TFDP2: variants seen among roughly 807,000 people sequenced by gnomAD.
TFDP2 encodes transcription factor Dp-2, also known as transcription factor Dp-2 (E2F dimerization partner 2).
TFDP2 carries 17 observed loss-of-function variants against 59.3 expected under a neutral mutation model. That is an observed-to-expected ratio of 0.29 (90% CI 0.20 to 0.43). The LOEUF (loss-of-function observed/expected upper bound fraction) is 0.43. Ranked by LOEUF, TFDP2 falls within the 20% of genes least tolerant of loss-of-function variation. The pLI, the probability that TFDP2 is intolerant of heterozygous loss-of-function variation, is 1.00. For synonymous variants in TFDP2, 180 were observed against 194.7 expected (o/e 0.92, Z 0.63); for missense variants, 391 against 528.8 (o/e 0.74, Z 2.56).
At chr3:141,955,877 C>T (rs1364815156) in intron 11 of TFDP2, among the ~76,000 whole-genome samples, 2 of 152,106 alleles carry the variant, frequency 1.3e-5, no homozygotes, top group Non-Finnish European at 2.9e-5. Context: ...GTGCAATCTC[C>T]GTTCACTGCA....
chr3:142,104,273 A>C (rs1178165649), intron 1 of TFDP2, among the ~76,000 whole-genome samples: 1 of 152,216 alleles, frequency 6.6e-6, no homozygotes, highest in African/African-American at 2.4e-5. Context: ...ATGTAAGATA[A>C]ATAATAAAGC....
chr3:142,077,728 C>A (rs183806095), intron 3 of TFDP2, among the ~76,000 whole-genome samples: 1 of 152,146 alleles, frequency 6.6e-6, no homozygotes, highest in Non-Finnish European at 1.5e-5. Flanking sequence ...GACATGCTGG[C>A]TTCACGTATG....
At chr3:142,051,808 T>A (rs1947644365) in intron 3 of TFDP2, among the ~76,000 whole-genome samples, 1 of 152,150 alleles carries the variant, frequency 6.6e-6, no homozygotes, top group East Asian at 1.9e-4. Context: ...TTTCCTCTCA[T>A]TCCATATATA....
At chr3:142,141,596 G>A (rs1036230512) in intron 1 of TFDP2, among the ~76,000 whole-genome samples, 5 of 152,106 alleles carry the variant, frequency 3.3e-5, no homozygotes, top group Non-Finnish European at 5.9e-5. Context: ...GGCTGAGGCA[G>A]CAGATCAGTT....
rs141233566 is a variant in TFDP2, at chr3:142,144,280, A to C, written c.-93+4903T>G. Among the ~76,000 whole-genome samples the C allele has an allele frequency of 2.1e-3, 325 of 152,168 alleles. 2 individuals are homozygous for C. Among genetic ancestry groups the C allele is most frequent in the South Asian group, 0.017 (83 of 4,822 alleles). On this transcript the variant is annotated intron_variant, in intron 1 of 12. Transcript: ENST00000489671. ...TCCCAGCTACTTGGGAGGTTGAGGCACAAGAATCACTTGAACCCAGGAGGT... is the reference window on the plus strand; with the variant it reads ...TCCCAGCTACTTGGGAGGTTGAGGCCCAAGAATCACTTGAACCCAGGAGGT...
Position 141,959,702 on chromosome 3 carries a change from C to A in TFDP2, c.1023G>T (p.Val341=), listed in dbSNP as rs775166781. 7.4e-6 allele frequency: 12 copies of A among 1,614,128 alleles called. No homozygotes were observed. Among genetic ancestry groups the A allele is most frequent in the Non-Finnish European group, 7.6e-6 (9 of 1,180,010 alleles). The change falls in exon 11 of 13, where the codon GTG becomes GTT. Residue 341 remains valine (V), a synonymous_variant. Transcript: ENST00000489671. ...TGATATAACCTTCTAAAGCCTTTGG[C>A]ACCAGGGATTTCGCAAGTTTCAGAT... ...LEDLKLAKSL[V]PKALEGYITD...
At chr3:141,957,135 G>A (rs1936788408) in intron 11 of TFDP2, among the ~76,000 whole-genome samples, 1 of 152,034 alleles carries the variant, frequency 6.6e-6, no homozygotes, top group East Asian at 1.9e-4. Context: ...TGGCCAACAT[G>A]GTGAAATCCT....
chr3:141,968,191 CTT>C (rs35807930), intron 9 of TFDP2, among the ~76,000 whole-genome samples: 36 of 133,012 alleles, frequency 2.7e-4, no homozygotes, highest in Admixed American at 4.9e-4. Context: ...TCAGTTTCAG[CTT>C]TTTTTTTTTT....
intron 3 of TFDP2, among the ~76,000 whole-genome samples, chr3:142,064,715 A>G (rs566590584): frequency 3.5e-4 from 53 of 152,214 alleles, no homozygotes; most frequent in African/African-American, 1.2e-3. Context: ...ATGTTATCCA[A>G]TGTAAAACAA....
intron 9 of TFDP2, among the ~76,000 whole-genome samples, chr3:141,968,926 CAT>C (rs1217979405): frequency 2.2e-5 from 2 of 91,618 alleles, no homozygotes; most frequent in Non-Finnish European, 4.1e-5. Flanking sequence ...ATATATAACA[CAT>C]ATATATCTCA....
chr3:141,982,036 C>T (rs1280410328), intron 6 of TFDP2, among the ~76,000 whole-genome samples: 3 of 152,076 alleles, frequency 2.0e-5, no homozygotes, highest in Non-Finnish European at 4.4e-5. Flanking sequence ...CTGTCCAATA[C>T]CCCTAGGCAT....
intron 3 of TFDP2, among the ~76,000 whole-genome samples, chr3:142,064,022 T>G (rs2059999005): frequency 1.3e-5 from 2 of 152,126 alleles, no homozygotes; most frequent in Admixed American, 6.5e-5. Flanking sequence ...GGTGCAATCT[T>G]GGGTCACTGC....
At chr3:142,068,572 T>C (rs2060145529) in intron 3 of TFDP2, among the ~76,000 whole-genome samples, 1 of 152,152 alleles carries the variant, frequency 6.6e-6, no homozygotes, top group Non-Finnish European at 1.5e-5. Flanking sequence ...TCTCACTTTT[T>C]TTTTTTTTTA....
chr3:142,005,048 TTTTTTC>T (rs1944103261), intron 4 of TFDP2, among the ~76,000 whole-genome samples: 1 of 152,132 alleles, frequency 6.6e-6, no homozygotes, highest in Admixed American at 6.5e-5. Flanking sequence ...TTAACTATAA[TTTTTTC>T]TTTTTCTTTT....
intron 1 of TFDP2, among the ~76,000 whole-genome samples, chr3:142,133,449 G>C (rs1046306733): frequency 1.3e-5 from 2 of 149,780 alleles, no homozygotes; most frequent in Non-Finnish European, 2.9e-5. Flanking sequence ...CAAACCTCCT[G>C]CCTCCCTCAG....
chr3:142,008,924 A>C (rs569784785), intron 3 of TFDP2, among the ~76,000 whole-genome samples: 2 of 152,314 alleles, frequency 1.3e-5, no homozygotes, highest in African/African-American at 4.8e-5. Context: ...TACATTAAGA[A>C]ATTGAGATTG....
chr3:142,072,426 T>C (rs1375237512), intron 3 of TFDP2, among the ~76,000 whole-genome samples: 1 of 152,184 alleles, frequency 6.6e-6, no homozygotes, highest in East Asian at 1.9e-4. Context: ...GAAAATGTAG[T>C]ATCACAGACA....
rs1200200852 is a variant in TFDP2 at position 141,968,593 on chromosome 3, GATAT to G, written c.732+1476_732+1479del. Among the ~76,000 whole-genome samples the G allele has an allele frequency of 2.4e-4, 18 of 75,096 alleles. 1 individual carries two copies. Among genetic ancestry groups the G allele is most frequent in the African/African-American group, 1.0e-3 (18 of 17,582 alleles). The allele number at this position is 75,096 out of a possible 152,430, so 49.3% of individuals were successfully genotyped here. A position where few individuals can be genotyped will look rare whatever the true frequency, so the allele number is the denominator to read the frequency against. On this transcript the variant is annotated intron_variant, in intron 9 of 12. Coordinates refer to ENST00000489671, the MANE Select transcript of TFDP2 (RefSeq NM_001178139.2). ...ATATAACATATATATCTCATATATAGATATATATAACATATATATCTCATATATA... is the reference window on the plus strand; with the variant it reads ...ATATAACATATATATCTCATATATAGATATAACATATATATCTCATATATA...
chr3:142,044,843 C>A (rs1947246805), intron 3 of TFDP2, among the ~76,000 whole-genome samples: 1 of 152,150 alleles, frequency 6.6e-6, no homozygotes, highest in African/African-American at 2.4e-5. Flanking sequence ...GTAATTTAAC[C>A]TCTTTACCTC....
Sources: allele counts gnomAD v4.1 joint callset (sites outside exome capture counted in the v4.1 genomes callset), GRCh38; gene constraint gnomAD v4.1.1; transcripts MANE v1.5; gene names NCBI Gene and HGNC (gene_info 2026-07-23, HGNC 2026-07-21).